AGPAT1: variants seen among roughly 807,000 people sequenced by gnomAD.
AGPAT1 encodes 1-acylglycerol-3-phosphate O-acyltransferase 1, also known as 1-acyl-sn-glycerol-3-phosphate acyltransferase alpha.
In AGPAT1, 6 loss-of-function variants were observed where a neutral mutation model predicts 31.2. The ratio of observed to expected loss-of-function variants is 0.19; its 90% confidence interval spans 0.11 to 0.38. The LOEUF is 0.38. AGPAT1 is among the 10% of genes least tolerant of loss of function. AGPAT1 has a pLI of 1.00. For missense variants in AGPAT1, 187 were observed against 377.8 expected (o/e 0.49, Z 4.19); for synonymous variants, 139 against 154.0 (o/e 0.90, Z 0.72).
In AGPAT1 at chr6:32,176,052, G is replaced by A. The variant is rs1785520070; in HGVS notation, c.-248C>T. ...CACCCTCCCTCCCTCCCTTTCTGCT[G>A]TCTCTCTGAGGGCTGGGGCTGCTGC... is the stretch of plus-strand genomic sequence containing the variant. On this transcript the variant is annotated 5_prime_UTR_variant, in exon 1 of 7. Coordinates refer to ENST00000375107, the MANE Select transcript of AGPAT1 (RefSeq NM_006411.4). The A allele has an allele frequency of 2.0e-6, 2 of 982,350 alleles. No individual in the cohort carries two copies. The highest frequency in any genetic ancestry group is 2.4e-6 in the Non-Finnish European group (2 of 827,682). The allele number at this position is 982,350 out of a possible 1,614,324, so 60.9% of individuals were successfully genotyped here.
At chr6:32,176,931 A>T (rs1006818418), upstream of AGPAT1, 3 of 398,194 alleles carry the variant, frequency 7.5e-6, no homozygotes, top group Non-Finnish European at 1.3e-5. Flanking sequence ...TTTGGTAGCC[A>T]TGTATCTAGT....
upstream of AGPAT1, chr6:32,176,167 G>A (rs560586629): frequency 4.1e-6 from 4 of 984,616 alleles, no homozygotes; most frequent in South Asian, 9.4e-5. Context: ...AGCCTGTTTT[G>A]CCAATCGTCT....
upstream of AGPAT1, chr6:32,176,099 C>A (rs770328373): frequency 7.1e-6 from 7 of 985,488 alleles, no homozygotes; most frequent in Non-Finnish European, 6.0e-6. Flanking sequence ...CCCCGCCACC[C>A]CTCCCCAACG....
rs779060823 is a variant in AGPAT1, at chr6:32,171,431, CA to C, written c.65del (p.Leu22ArgfsTer45). On this transcript the variant is annotated frameshift_variant, in exon 2 of 7. Coordinates refer to ENST00000375107, the MANE Select transcript of AGPAT1 (RefSeq NM_006411.4). LOFTEE classifies it high-confidence loss of function. This position sits in a 1 kb window ranked among gnomAD's most constrained non-coding sequence, Gnocchi z 6.9. ...LLLFLLLLFL[L>X]PTLWFCSPSA... Reference sequence around the variant, plus strand: ...TGGGGCTGCAGAACCACAGGGTGGGCAGCAGGAAGAGCAGCAGCAGGAAGAG... The same window carrying C: ...TGGGGCTGCAGAACCACAGGGTGGGCGCAGGAAGAGCAGCAGCAGGAAGAG... The C allele has an allele frequency of 6.2e-7, 1 of 1,612,736 alleles. No homozygotes were observed. Among genetic ancestry groups the C allele is most frequent in the Non-Finnish European group, 8.5e-7 (1 of 1,179,864 alleles).
Position 32,171,812 on chromosome 6 carries a change from A to C in AGPAT1, c.-9-307T>G. ...ATAAATGACAACAAGAATAATAGCT[A>C]ACACTTGTAGCTGGTAAGGGTCTTA... On this transcript the variant is annotated intron_variant, in intron 1 of 6. Coordinates refer to ENST00000375107, the MANE Select transcript of AGPAT1 (RefSeq NM_006411.4). This position sits in a 1 kb window ranked among gnomAD's most constrained non-coding sequence, Gnocchi z 6.9. The C allele has an allele frequency of 1.9e-6, 1 of 535,284 alleles. No individual in the cohort carries two copies. The highest frequency in any genetic ancestry group is 2.2e-5 in the South Asian group (1 of 44,944). The allele number at this position is 535,284 out of a possible 1,614,324, so 33.2% of individuals were successfully genotyped here.
At position 32,171,237 on chromosome 6, in the gene AGPAT1, A is replaced by G. The variant is rs922036192; in HGVS notation, c.200+60T>C. Reference sequence around the variant, plus strand: ...ACACACACCATGCCCCCTTCCCCCAATCCACTACTCACTTTGTACCCTTAG... The same window carrying G: ...ACACACACCATGCCCCCTTCCCCCAGTCCACTACTCACTTTGTACCCTTAG... On this transcript the variant is annotated intron_variant, in intron 2 of 6. Transcript: ENST00000375107. This position sits in a 1 kb window ranked among gnomAD's most constrained non-coding sequence, Gnocchi z 6.9. 12 of 1,611,526 alleles carry G rather than the reference A, an allele frequency of 7.4e-6. No individual in the cohort carries two copies. In the African/African-American group the frequency reaches 8.0e-5, roughly 11 times the overall value.
At chr6:32,176,935 A>G (rs1480417927), upstream of AGPAT1, 4 of 398,068 alleles carry the variant, frequency 1.0e-5, no homozygotes, top group East Asian at 1.1e-4. Context: ...GTAGCCATGT[A>G]TCTAGTTTTC....
rs1191285123 is a variant in AGPAT1, at chr6:32,173,667, C to T, written c.-10+2147G>A. On this transcript the variant is annotated intron_variant, in intron 1 of 6. Transcript: ENST00000375107. The surrounding 1 kb of genome is among the most constrained non-coding windows in gnomAD (Gnocchi z 4.7). ...TCCTCAGACACCATGATCTTTCATG[C>T]TTCCCCACCTTGAACATGCTGTTCC... Among the ~76,000 whole-genome samples the T allele has an allele frequency of 6.6e-6, 1 of 152,220 alleles. No homozygotes were observed. Among genetic ancestry groups the T allele is most frequent in the African/African-American group, 2.4e-5 (1 of 41,456 alleles).
At position 32,169,043 on chromosome 6, in the gene AGPAT1, G is replaced by GT. The variant is rs1377891713; in HGVS notation, c.*232dup. 1 of 568,932 alleles carries GT rather than the reference G, an allele frequency of 1.8e-6. No individual in the cohort carries two copies. Among genetic ancestry groups the GT allele is most frequent in the African/African-American group, 1.9e-5 (1 of 53,474 alleles). The allele number at this position is 568,932 out of a possible 1,614,324, so 35.2% of individuals were successfully genotyped here. ...TGTCCCACAGACAAGACAGTAGGAGGTGGGGGTCAAGAGTGGAGACTGCAC... is the reference window on the plus strand; with the variant it reads ...TGTCCCACAGACAAGACAGTAGGAGGTTGGGGGTCAAGAGTGGAGACTGCAC... On this transcript the variant is annotated 3_prime_UTR_variant, in exon 7 of 7. Transcript: ENST00000375107. This position sits in a 1 kb window ranked among gnomAD's most constrained non-coding sequence, Gnocchi z 5.9.
Position 32,170,621 on chromosome 6 carries a change from G to A in AGPAT1, c.335-21C>T. Reference sequence around the variant, plus strand: ...CATCCCTTGGGCAGGGTGGGAGTGGGTGAGGATCGGGGTGGAGGCAGAGTG... The same window carrying A: ...CATCCCTTGGGCAGGGTGGGAGTGGATGAGGATCGGGGTGGAGGCAGAGTG... On this transcript the variant is annotated intron_variant, in intron 3 of 6. Transcript: ENST00000375107. This position sits in a 1 kb window ranked among gnomAD's most constrained non-coding sequence, Gnocchi z 7.7. 1 of 1,608,272 alleles carries A rather than the reference G, an allele frequency of 6.2e-7. No individual in the cohort carries two copies. Among genetic ancestry groups the A allele is most frequent in the Non-Finnish European group, 8.5e-7 (1 of 1,179,886 alleles).
Position 32,169,583 on chromosome 6 carries a change from G to A in AGPAT1, c.680-135C>T. The A allele has an allele frequency of 9.2e-7, 1 of 1,084,206 alleles. No individual in the cohort carries two copies. Among genetic ancestry groups the A allele is most frequent in the Non-Finnish European group, 1.3e-6 (1 of 766,404 alleles). 67.2% of individuals were successfully genotyped at this position (1,084,206 alleles called of 1,614,324 possible). A position where few individuals can be genotyped will look rare whatever the true frequency, so the allele number is the denominator to read the frequency against. On this transcript the variant is annotated intron_variant, in intron 6 of 6. Coordinates refer to ENST00000375107, the MANE Select transcript of AGPAT1 (RefSeq NM_006411.4). The surrounding 1 kb of genome is among the most constrained non-coding windows in gnomAD (Gnocchi z 5.9). ...ACCCTGGACAACCATCCCTGGGCTTGCCAGCTGCCACTTCTGAGGCCCTTC... is the reference window on the plus strand; with the variant it reads ...ACCCTGGACAACCATCCCTGGGCTTACCAGCTGCCACTTCTGAGGCCCTTC...
rs1023559765 is a variant in AGPAT1, at chr6:32,173,370, G to A, written c.-9-1865C>T. 2.6e-5 allele frequency among the ~76,000 whole-genome samples: 4 copies of A among 152,180 alleles called. No individual in the cohort carries two copies. Among genetic ancestry groups the A allele is most frequent in the African/African-American group, 7.2e-5 (3 of 41,440 alleles). On this transcript the variant is annotated intron_variant, in intron 1 of 6. Transcript: ENST00000375107. This position sits in a 1 kb window ranked among gnomAD's most constrained non-coding sequence, Gnocchi z 4.7. ...AGGAGACCCTGCCAGTTGGAATACC[G>A]TAGGCTTTCTGAGCTGCTCCATCCC...
rs546520735 is a variant in AGPAT1 at position 32,171,241 on chromosome 6, A to G, written c.200+56T>C. 11 of 1,611,350 alleles carry G rather than the reference A, an allele frequency of 6.8e-6. No homozygotes were observed. The East Asian group carries it at 2.5e-4, about 36-fold the overall frequency. ...ACACCATGCCCCCTTCCCCCAATCC[A>G]CTACTCACTTTGTACCCTTAGGTTC... is the stretch of plus-strand genomic sequence containing the variant. On this transcript the variant is annotated intron_variant, in intron 2 of 6. Transcript: ENST00000375107. The surrounding 1 kb of genome is among the most constrained non-coding windows in gnomAD (Gnocchi z 6.9).
In AGPAT1 at chr6:32,169,944, C is replaced by T; in HGVS notation, c.679+22G>A. 6.2e-7 allele frequency: 1 copy of T among 1,606,426 alleles called. No individual in the cohort carries two copies. Among genetic ancestry groups the T allele is most frequent in the Admixed American group, 1.7e-5 (1 of 59,990 alleles). Reference sequence around the variant, plus strand: ...CAGCCTCTCCGGACACACCCTACCCCAGAACTGCTCAAAGCCCTCACCCGA... The same window carrying T: ...CAGCCTCTCCGGACACACCCTACCCTAGAACTGCTCAAAGCCCTCACCCGA... On this transcript the variant is annotated intron_variant, in intron 6 of 6. Coordinates refer to ENST00000375107, the MANE Select transcript of AGPAT1 (RefSeq NM_006411.4). The surrounding 1 kb of genome is among the most constrained non-coding windows in gnomAD (Gnocchi z 5.9).
In AGPAT1 at chr6:32,172,423, AAAT is replaced by A. The variant is rs74420725; in HGVS notation, c.-9-921_-9-919del. On this transcript the variant is annotated intron_variant, in intron 1 of 6. Coordinates refer to ENST00000375107, the MANE Select transcript of AGPAT1 (RefSeq NM_006411.4). This position sits in a 1 kb window ranked among gnomAD's most constrained non-coding sequence, Gnocchi z 4.3. ...TTGTAAAAATGTGGCTACCATAAAA[AAAT>A]TACATTGTGGCTTGCATTATATTTC... is the stretch of plus-strand genomic sequence containing the variant. 0.022 allele frequency among the ~76,000 whole-genome samples: 3,305 copies of A among 152,368 alleles called. 48 individuals are homozygous for A. The highest frequency in any genetic ancestry group is 0.029 in the Non-Finnish European group (1,982 of 68,032).
At position 32,170,323 on chromosome 6, in the gene AGPAT1, T is replaced by C. The variant is rs982222711; in HGVS notation, c.511-63A>G. 40 of 1,605,984 alleles carry C rather than the reference T, an allele frequency of 2.5e-5. No homozygotes were observed. The South Asian group carries it at 2.6e-4, about 11-fold the overall frequency. The stretch of plus-strand genomic sequence containing the variant: ...TGGAGGAGTCAGAATAGGTGTGATG[T>C]TATAATGGGACCTTTGAGGCCCACT... On this transcript the variant is annotated intron_variant, in intron 4 of 6. Coordinates refer to ENST00000375107, the MANE Select transcript of AGPAT1 (RefSeq NM_006411.4). This position sits in a 1 kb window ranked among gnomAD's most constrained non-coding sequence, Gnocchi z 7.7.
At position 32,172,716 on chromosome 6, in the gene AGPAT1, CAG is replaced by C. The variant is rs1785213772; in HGVS notation, c.-9-1213_-9-1212del. 2.6e-5 allele frequency among the ~76,000 whole-genome samples: 4 copies of C among 152,106 alleles called. No individual in the cohort carries two copies. The highest frequency in any genetic ancestry group is 4.1e-4 in the South Asian group (2 of 4,824). On this transcript the variant is annotated intron_variant, in intron 1 of 6. Transcript: ENST00000375107. The surrounding 1 kb of genome is among the most constrained non-coding windows in gnomAD (Gnocchi z 4.3). ...CACACAGCATATATGGTGATTGTGA[CAG>C]AACACTCACAGCCATATACCCAAGG...
Position 32,169,405 on chromosome 6 carries a change from C to T in AGPAT1, c.723G>A (p.Gly241=). The T allele has an allele frequency of 6.2e-7, 1 of 1,612,776 alleles. No individual in the cohort carries two copies. Among genetic ancestry groups the T allele is most frequent in the Non-Finnish European group, 8.5e-7 (1 of 1,179,978 alleles). Reference sequence around the variant, plus strand: ...GAGCTGGGACGTCATCTGGTGTCAGCCCTTCCGTGGGCACTGGGGGCAGCA... The same window carrying T: ...GAGCTGGGACGTCATCTGGTGTCAGTCCTTCCGTGGGCACTGGGGGCAGCA... The part of the protein sequence containing the change: ...VRVLPPVPTE[G]LTPDDVPALA... The change falls in exon 7 of 7, where the codon GGG becomes GGA. Residue 241 remains glycine (G), a synonymous_variant. Transcript: ENST00000375107. This position sits in a 1 kb window ranked among gnomAD's most constrained non-coding sequence, Gnocchi z 5.9.
chr6:32,175,412 T>C lies in AGPAT1; in HGVS notation c.-10+402A>G, dbSNP rs1267698157. Among the ~76,000 whole-genome samples the C allele has an allele frequency of 6.6e-6, 1 of 152,168 alleles. No homozygotes were observed. The highest frequency in any genetic ancestry group is 6.5e-5 in the Admixed American group (1 of 15,278). On this transcript the variant is annotated intron_variant, in intron 1 of 6. Transcript: ENST00000375107. This position sits in a 1 kb window ranked among gnomAD's most constrained non-coding sequence, Gnocchi z 4.5. ...AAGGCCACTGAGAAACAAGAGGTCC[T>C]GTGCCTAGATGGAAACAGAGGCACC...
Sources: allele counts gnomAD v4.1 joint callset (sites outside exome capture counted in the v4.1 genomes callset), GRCh38; gene constraint gnomAD v4.1.1; non-coding constraint Gnocchi (gnomAD v3.1); transcripts MANE v1.5; gene names NCBI Gene and HGNC (gene_info 2026-07-23, HGNC 2026-07-21).